Variants in DHRS3 observed in about 807,000 individuals in gnomAD.
DHRS3 encodes the protein short-chain dehydrogenase/reductase 3.
Under a neutral mutation model 27.2 loss-of-function variants are expected in DHRS3, and 14 were observed. The observed-to-expected ratio is 0.52, with a 90% CI of 0.34 to 0.81. DHRS3 has a LOEUF of 0.81. Ranked by LOEUF, DHRS3 falls within the 30% of genes least tolerant of loss-of-function variation. The pLI, the probability that DHRS3 is intolerant of heterozygous loss-of-function variation, is 0.01. For missense variants in DHRS3, 322 were observed against 406.2 expected, an observed-to-expected ratio of 0.79 and a Z score of 1.78; for synonymous variants, 165 against 175.9, an observed-to-expected ratio of 0.94 and a Z score of 0.49.
chr1:12,576,241 C>T (rs998952594), intron 4 of DHRS3, among the ~76,000 whole-genome samples: 1 of 152,178 alleles, frequency 6.6e-6, no homozygotes, highest in African/African-American at 2.4e-5. Flanking sequence ...GTCCTGCTTG[C>T]TTCTGTGCTC....
rs1420073086 is a variant in DHRS3 at position 12,592,226 on chromosome 1, C to T, written c.196-11560G>A. Among the ~76,000 whole-genome samples the T allele has an allele frequency of 1.3e-5, 2 of 152,194 alleles. No homozygotes were observed. The highest frequency in any genetic ancestry group is 2.9e-5 in the Non-Finnish European group (2 of 68,024). On this transcript the variant is annotated intron_variant, in intron 1 of 5. Coordinates refer to ENST00000616661, the MANE Select transcript of DHRS3 (RefSeq NM_004753.7). The surrounding 1 kb of genome is among the most constrained non-coding windows in gnomAD (Gnocchi z 4.2). ...CTCTTAGACTGAATCCTCTCGGCTG[C>T]CCGGATGTGGTACAGTCGGCTGATT...
At chr1:12,581,325 A>G (rs1646641908) in intron 1 of DHRS3, among the ~76,000 whole-genome samples, 1 of 152,234 alleles carries the variant, frequency 6.6e-6, no homozygotes, top group African/African-American at 2.4e-5. Flanking sequence ...AATGCTCCAG[A>G]ATGCTCTCCA....
intron 1 of DHRS3, among the ~76,000 whole-genome samples, chr1:12,600,001 G>C (rs991797007): frequency 6.6e-6 from 1 of 152,142 alleles, no homozygotes; most frequent in Non-Finnish European, 1.5e-5. Context: ...GGAAGCCCCC[G>C]TCTGTGCTTG....
chr1:12,569,949 G>A (rs1360108652), intron 5 of DHRS3: 2 of 152,154 alleles, frequency 1.3e-5, no homozygotes, highest in African/African-American at 2.4e-5. Context: ...TTCTTATTCG[G>A]TCTATTTTTT....
At chr1:12,617,075 C>T (rs1372682750) in intron 1 of DHRS3, 79 bp downstream of exon 1, 10 of 1,466,476 alleles carry the variant, frequency 6.8e-6, no homozygotes, top group African/African-American at 1.4e-5. Flanking sequence ...CTCCCGGGCG[C>T]GGGATCCCGC....
chr1:12,617,364 G>A lies in DHRS3; in HGVS notation c.-16C>T, dbSNP rs1269938597. Reference sequence around the variant, plus strand: ...TCCACACCATCCTCCGCGCCGCGGAGCCGGGCAGGGGGCGAAACTCCCCGG... The same window carrying A: ...TCCACACCATCCTCCGCGCCGCGGAACCGGGCAGGGGGCGAAACTCCCCGG... On this transcript the variant is annotated 5_prime_UTR_variant, in exon 1 of 6. Transcript: ENST00000616661. The A allele has an allele frequency of 6.3e-7, 1 of 1,593,800 alleles. No individual in the cohort carries two copies. The highest frequency in any genetic ancestry group is 8.6e-7 in the Non-Finnish European group (1 of 1,164,860).
intron 1 of DHRS3, among the ~76,000 whole-genome samples, chr1:12,615,050 C>G (rs1300387527): frequency 6.6e-6 from 1 of 152,166 alleles, no homozygotes; most frequent in African/African-American, 2.4e-5. Flanking sequence ...TCAAAACACT[C>G]CTGGCTCTGG....
chr1:12,614,886 C>A (rs1169432241), intron 1 of DHRS3, among the ~76,000 whole-genome samples: 2 of 152,124 alleles, frequency 1.3e-5, no homozygotes. Flanking sequence ...ACAGCCGCCC[C>A]CTGTCTAGTA....
chr1:12,614,743 C>T (rs1343634054), intron 1 of DHRS3, among the ~76,000 whole-genome samples: 1 of 148,956 alleles, frequency 6.7e-6, no homozygotes, highest in Non-Finnish European at 1.5e-5. Flanking sequence ...GGTCTTCCCC[C>T]TCCCAGATCC....
chr1:12,608,128 C>T lies in DHRS3; in HGVS notation c.195+9026G>A, dbSNP rs1413879431. Among the ~76,000 whole-genome samples the T allele has an allele frequency of 2.0e-5, 3 of 152,152 alleles. No individual in the cohort carries two copies. The highest frequency in any genetic ancestry group is 4.4e-5 in the Non-Finnish European group (3 of 68,018). On this transcript the variant is annotated intron_variant, in intron 1 of 5. Coordinates refer to ENST00000616661, the MANE Select transcript of DHRS3 (RefSeq NM_004753.7). The surrounding 1 kb of genome is among the most constrained non-coding windows in gnomAD (Gnocchi z 4.1). ...CTGACGTCAAGTGATCTGCCCGCCT[C>T]GGCCTCCCACAGTGCTGGGAATACA...
chr1:12,570,704 CCT>C (rs1570350485), intron 5 of DHRS3, among the ~76,000 whole-genome samples: 1 of 152,134 alleles, frequency 6.6e-6, no homozygotes, highest in Non-Finnish European at 1.5e-5. Flanking sequence ...AAGAAGCTCC[CCT>C]GAGGTGGAGG....
rs150667289 is a variant in DHRS3 at position 12,579,356 on chromosome 1, T to C, written c.396A>G (p.Leu132=). 3 of 1,614,048 alleles carry C rather than the reference T, an allele frequency of 1.9e-6. No homozygotes were observed. Among genetic ancestry groups the C allele is most frequent in the African/African-American group, 2.7e-5 (2 of 74,916 alleles). The change falls in exon 3 of 6, where the codon CTA becomes CTG. Residue 132 remains leucine, a synonymous_variant. Transcript: ENST00000616661. ...NNAAVVHGKS[L]MDSDDDALLK... is the part of the protein sequence containing the mutation. ...GGAGGGCATCATCATCACTGTCCAT[T>C]AGGCTCTTCCCATGGACCACGGCGG... is the stretch of plus-strand genomic sequence containing the variant.
At chr1:12,612,266 T>G (rs182146387) in intron 1 of DHRS3, among the ~76,000 whole-genome samples, 91 of 152,326 alleles carry the variant, frequency 6.0e-4, no homozygotes, top group African/African-American at 2.0e-3. Flanking sequence ...TTTGGCCTGA[T>G]GACTCTAGGG....
intron 1 of DHRS3, among the ~76,000 whole-genome samples, chr1:12,597,699 C>T (rs771069454): frequency 1.3e-5 from 2 of 152,224 alleles, no homozygotes; most frequent in Non-Finnish European, 2.9e-5. Flanking sequence ...AGTTTTGCCT[C>T]TTCTGTGAAA....
At chr1:12,585,105 G>A (rs376270576) in intron 1 of DHRS3, among the ~76,000 whole-genome samples, 108 of 151,776 alleles carry the variant, frequency 7.1e-4, no homozygotes, top group African/African-American at 2.5e-3. Context: ...GTGAATGTAT[G>A]TGTCTGGGTG....
intron 1 of DHRS3, among the ~76,000 whole-genome samples, chr1:12,581,896 G>C (rs991376753): frequency 2.0e-5 from 3 of 152,126 alleles, no homozygotes; most frequent in Non-Finnish European, 4.4e-5. Flanking sequence ...TTCTATTTTT[G>C]TTTCTTTTCT....
In DHRS3 at chr1:12,568,181, G is replaced by C. The variant is rs1328985158; in HGVS notation, c.*159C>G. 1.5e-6 allele frequency: 1 copy of C among 680,516 alleles called. No individual in the cohort carries two copies. Among genetic ancestry groups the C allele is most frequent in the Non-Finnish European group, 2.6e-6 (1 of 384,642 alleles). 42.2% of individuals were successfully genotyped at this position (680,516 alleles called of 1,614,324 possible). On this transcript the variant is annotated 3_prime_UTR_variant, in exon 6 of 6. Coordinates refer to ENST00000616661, the MANE Select transcript of DHRS3 (RefSeq NM_004753.7). ...TTATACCCATCAGTCCTGTGCAAAG[G>C]TCCTGGGACTGGCCCAGGGGCAGCC... is the stretch of plus-strand genomic sequence containing the variant.
intron 1 of DHRS3, among the ~76,000 whole-genome samples, chr1:12,599,079 C>T (rs1433554023): frequency 1.3e-5 from 2 of 152,220 alleles, no homozygotes; most frequent in Admixed American, 1.3e-4. Context: ...TAAGGACAAG[C>T]CTTAAATTAC....
Position 12,578,365 on chromosome 1 carries a change from A to C in DHRS3, c.698+353T>G, listed in dbSNP as rs1420725152. Among the ~76,000 whole-genome samples the C allele has an allele frequency of 6.6e-6, 1 of 152,254 alleles. No individual in the cohort carries two copies. Among genetic ancestry groups the C allele is most frequent in the African/African-American group, 2.4e-5 (1 of 41,476 alleles). The stretch of plus-strand genomic sequence containing the variant: ...CACTCTCTCTCCCAGGCTGGAGTGC[A>C]GTCGCACAATCACAGCTCACTTGCA... On this transcript the variant is annotated intron_variant, in intron 4 of 5. Coordinates refer to ENST00000616661, the MANE Select transcript of DHRS3 (RefSeq NM_004753.7). The surrounding 1 kb of genome is among the most constrained non-coding windows in gnomAD (Gnocchi z 4.5).
Sources: allele counts gnomAD v4.1 joint callset (sites outside exome capture counted in the v4.1 genomes callset), GRCh38; gene constraint gnomAD v4.1.1; non-coding constraint Gnocchi (gnomAD v3.1); transcripts MANE v1.5; gene names NCBI Gene and HGNC (gene_info 2026-07-23, HGNC 2026-07-21).